Variants in SUGCT observed in about 807,000 individuals in gnomAD.
The protein encoded by SUGCT is succinyl-CoA:glutarate-CoA transferase, also known as succinyl-CoA:glutarate CoA-transferase.
SUGCT carries 41 observed loss-of-function variants against 55.0 expected under a neutral mutation model. The ratio of observed to expected loss-of-function variants is 0.74; its 90% confidence interval spans 0.58 to 0.97. The LOEUF is 0.97. Ranked by LOEUF, SUGCT falls within the 50% of genes least tolerant of loss-of-function variation. SUGCT has a pLI of 0.00. For synonymous variants in SUGCT, 187 were observed against 200.4 expected, an observed-to-expected ratio of 0.93 and a Z score of 0.56; for missense variants, 568 against 547.8, an observed-to-expected ratio of 1.04 and a Z score of -0.37.
At chr7:40,180,539 G>T (rs1480080292) in intron 1 of SUGCT, among the ~76,000 whole-genome samples, 1 of 151,708 alleles carries the variant, frequency 6.6e-6, no homozygotes, top group Non-Finnish European at 1.5e-5. Context: ...GCCCAGGCTG[G>T]AGTGCAGCGG....
chr7:40,410,658 T>A (rs972386948), intron 9 of SUGCT, among the ~76,000 whole-genome samples: 1 of 152,212 alleles, frequency 6.6e-6, no homozygotes. Context: ...GGAATATGCC[T>A]CCAACCTTTT....
chr7:40,531,372 T>C (rs532888794), intron 12 of SUGCT, among the ~76,000 whole-genome samples: 1 of 152,064 alleles, frequency 6.6e-6, no homozygotes, highest in Non-Finnish European at 1.5e-5. Flanking sequence ...GTGGGTCTTC[T>C]GACCCCAAAT....
intron 12 of SUGCT, among the ~76,000 whole-genome samples, chr7:40,507,091 G>C (rs889232378): frequency 6.6e-6 from 1 of 151,806 alleles, no homozygotes; most frequent in African/African-American, 2.4e-5. Context: ...TCTTCTTTCT[G>C]TATGTTGGTC....
chr7:40,686,733 G>A (rs962041914), intron 12 of SUGCT, among the ~76,000 whole-genome samples: 5 of 152,174 alleles, frequency 3.3e-5, no homozygotes, highest in African/African-American at 9.7e-5. Context: ...CTTTGTTCTA[G>A]GAGCTCAGTC....
chr7:40,369,807 A>C (rs6965764), intron 9 of SUGCT, among the ~76,000 whole-genome samples: 83,778 of 151,862 alleles, frequency 0.55, 23,236 homozygotes, highest in South Asian at 0.65. Flanking sequence ...AGTTGCAATA[A>C]ATCCTAGGCT....
chr7:40,860,206 G>T (rs1794422690), intron 13 of SUGCT, 110 bp from the exon 14 acceptor site: 1 of 1,269,406 alleles, frequency 7.9e-7, no homozygotes, highest in African/African-American at 1.5e-5. Flanking sequence ...GGTGTAACTG[G>T]CACTCATTGA....
intron 11 of SUGCT, among the ~76,000 whole-genome samples, chr7:40,466,641 T>C (rs927530288): frequency 6.6e-6 from 1 of 152,134 alleles, no homozygotes; most frequent in African/African-American, 2.4e-5. Flanking sequence ...TCAGTGAACA[T>C]GTGAAGCAAT....
intron 1 of SUGCT, among the ~76,000 whole-genome samples, chr7:40,158,665 G>A (rs936638755): frequency 1.3e-5 from 2 of 152,042 alleles, no homozygotes; most frequent in Admixed American, 1.3e-4. Context: ...CAGGAGAATT[G>A]CTTGAACCCG....
chr7:40,335,279 G>T (rs1482391012), intron 9 of SUGCT, among the ~76,000 whole-genome samples: 1 of 152,060 alleles, frequency 6.6e-6, no homozygotes. Flanking sequence ...TTCCAATTCT[G>T]TGAAGAAAGT....
intron 13 of SUGCT, among the ~76,000 whole-genome samples, chr7:40,805,395 G>T (rs966428972): frequency 6.6e-6 from 1 of 152,142 alleles, no homozygotes. Flanking sequence ...GGACTCATCT[G>T]GGTGTGTCCA....
At chr7:40,935,504 A>G in the SUGCT span, among the ~76,000 whole-genome samples, 2 of 152,160 alleles carry the variant, frequency 1.3e-5, no homozygotes, top group Admixed American at 6.5e-5. Context: ...GAATTATACA[A>G]TACATGGCCT....
intron 12 of SUGCT, among the ~76,000 whole-genome samples, chr7:40,598,101 T>C (rs940812127): frequency 6.6e-6 from 1 of 152,130 alleles, no homozygotes; most frequent in Non-Finnish European, 1.5e-5. Flanking sequence ...TCTGCTGGAG[T>C]GATAATATCC....
At chr7:40,980,456 T>A in the SUGCT span, among the ~76,000 whole-genome samples, 58,100 of 151,956 alleles carry the variant, frequency 0.38, 11,195 homozygotes, top group South Asian at 0.42. Context: ...CAATATTATC[T>A]CTAAAGTCCA....
At chr7:40,913,508 T>A in the SUGCT span, among the ~76,000 whole-genome samples, 11 of 152,314 alleles carry the variant, frequency 7.2e-5, no homozygotes, top group Admixed American at 5.9e-4. Flanking sequence ...TCCAACTGCA[T>A]TTTTGCTTTT....
intron 6 of SUGCT, among the ~76,000 whole-genome samples, chr7:40,201,822 C>A (rs927478672): frequency 1.3e-5 from 2 of 152,112 alleles, no homozygotes; most frequent in African/African-American, 4.8e-5. Flanking sequence ...ACACATATAA[C>A]AGATGTGTTA....
intron 12 of SUGCT, among the ~76,000 whole-genome samples, chr7:40,655,795 A>G (rs964918981): frequency 6.6e-6 from 1 of 152,200 alleles, no homozygotes; most frequent in African/African-American, 2.4e-5. Context: ...CCACAACAAT[A>G]AACTTTTTTT....
chr7:40,949,260 G>A, the SUGCT span, among the ~76,000 whole-genome samples: 1 of 152,220 alleles, frequency 6.6e-6, no homozygotes, highest in Non-Finnish European at 1.5e-5. Flanking sequence ...CTTCTTTTGA[G>A]AAGTGTCTGT....
intron 9 of SUGCT, among the ~76,000 whole-genome samples, chr7:40,337,199 T>A (rs1796761949): frequency 6.6e-6 from 1 of 152,198 alleles, no homozygotes. Flanking sequence ...TAGTGCTATG[T>A]GGTGCTGAGA....
intron 12 of SUGCT, among the ~76,000 whole-genome samples, chr7:40,514,577 G>A (rs1346520021): frequency 6.6e-6 from 1 of 151,834 alleles, no homozygotes; most frequent in Non-Finnish European, 1.5e-5. Flanking sequence ...GTGTGTGGTG[G>A]CACATGACTG....
Sources: gnomAD v4.1 joint callset for allele counts (sites outside exome capture counted in the v4.1 genomes callset) on GRCh38, gnomAD v4.1.1 for gene constraint, MANE v1.5 for transcripts, NCBI Gene and HGNC (gene_info 2026-07-23, HGNC 2026-07-21) for gene names.